The following PCDH9 variants were observed in gnomAD, a reference collection of about 807,000 sequenced individuals.
The protein encoded by PCDH9 is protocadherin-9.
In PCDH9, 24 loss-of-function variants were observed where a neutral mutation model predicts 70.6. That is an observed-to-expected ratio of 0.34 (90% CI 0.25 to 0.48). PCDH9 has a LOEUF of 0.48. Among genes scored for constraint, PCDH9 ranks in the 20% least tolerant of loss-of-function variants. PCDH9 has a pLI of 0.99. For missense variants in PCDH9, 1,281 were observed against 1,503.6 expected, an observed-to-expected ratio of 0.85 and a Z score of 2.45; for synonymous variants, 562 against 558.5, an observed-to-expected ratio of 1.01 and a Z score of -0.09.
chr13:66,631,060 T>C (rs985351512), intron 4 of PCDH9, 150 bp downstream of exon 4: 3 of 572,960 alleles, frequency 5.2e-6, no homozygotes, highest in Non-Finnish European at 9.4e-6. Context: ...ACATATTAAA[T>C]GTATATCTCA....
chr13:66,342,920 A>G (rs1216374299), intron 4 of PCDH9, among the ~76,000 whole-genome samples: 1 of 152,000 alleles, frequency 6.6e-6, no homozygotes, highest in Non-Finnish European at 1.5e-5. Flanking sequence ...TTCTAGGATT[A>G]CAGGCGTAAG....
rs2087446728 is a variant in PCDH9 at position 67,143,466 on chromosome 13, T to A, written c.3036+81939A>T. On this transcript the variant is annotated intron_variant, in intron 2 of 4. Transcript: ENST00000377865. ...AAATGCAGATGAGCATAAGATCACA[T>A]GGATCAAGTACCAGGTCATTCATTT... Among the ~76,000 whole-genome samples the A allele has an allele frequency of 2.6e-5, 4 of 152,308 alleles. 1 individual carries two copies. In the South Asian group the frequency reaches 8.3e-4, roughly 32 times the overall value.
chr13:66,778,350 C>A lies in PCDH9; in HGVS notation c.3138+125154G>T, dbSNP rs139986379. 3.8e-4 allele frequency among the ~76,000 whole-genome samples: 58 copies of A among 152,260 alleles called. 1 individual carries two copies. In the East Asian group the frequency reaches 4.1e-3, roughly 11 times the overall value. ...TGAAATATTCCTCTCTTCCCAATATCATCTACAGTAACACTTACAAAAATA... is the reference window on the plus strand; with the variant it reads ...TGAAATATTCCTCTCTTCCCAATATAATCTACAGTAACACTTACAAAAATA... On this transcript the variant is annotated intron_variant, in intron 3 of 4. Transcript: ENST00000377865.
At chr13:66,816,630 C>A (rs2139371657) in intron 3 of PCDH9, among the ~76,000 whole-genome samples, 1 of 152,154 alleles carries the variant, frequency 6.6e-6, no homozygotes, top group East Asian at 1.9e-4. Flanking sequence ...TGTAATATCA[C>A]AAATATTTTG....
intron 4 of PCDH9, among the ~76,000 whole-genome samples, chr13:66,521,017 G>C (rs1959965376): frequency 6.6e-6 from 1 of 152,060 alleles, no homozygotes; most frequent in Non-Finnish European, 1.5e-5. Flanking sequence ...CTGAATGAAA[G>C]ACTAAATATC....
rs114554259 is a variant in PCDH9 at position 67,133,496 on chromosome 13, A to G, written c.3036+91909T>C. ...CTTAAAAAGTTGGATTACATAATATAGGATGCTTTACTGTCTGTAATTCTA... is the reference window on the plus strand; with the variant it reads ...CTTAAAAAGTTGGATTACATAATATGGGATGCTTTACTGTCTGTAATTCTA... On this transcript the variant is annotated intron_variant, in intron 2 of 4. Transcript: ENST00000377865. Among the ~76,000 whole-genome samples, 1,026 of 152,244 alleles carry G rather than the reference A, an allele frequency of 6.7e-3. 7 individuals carry two copies. The highest frequency in any genetic ancestry group is 0.023 in the African/African-American group (950 of 41,578).
chr13:66,433,384 T>C (rs1957809178), intron 4 of PCDH9, among the ~76,000 whole-genome samples: 2 of 151,980 alleles, frequency 1.3e-5, no homozygotes, highest in Admixed American at 1.3e-4. Context: ...AAAAGTGCTC[T>C]CAAAAAATTT....
chr13:66,468,879 G>A (rs866685399), intron 4 of PCDH9, among the ~76,000 whole-genome samples: 8 of 152,052 alleles, frequency 5.3e-5, no homozygotes, highest in Admixed American at 2.6e-4. Context: ...TTACAGTCAT[G>A]TCCACAAAGA....
At chr13:66,506,204 A>G (rs751872809) in intron 4 of PCDH9, among the ~76,000 whole-genome samples, 4 of 152,194 alleles carry the variant, frequency 2.6e-5, no homozygotes, top group Non-Finnish European at 4.4e-5. Context: ...AATAATGCCT[A>G]GAAGTAGGTT....
intron 2 of PCDH9, among the ~76,000 whole-genome samples, chr13:67,081,359 A>G (rs2085979489): frequency 6.6e-6 from 1 of 152,196 alleles, no homozygotes; most frequent in Admixed American, 6.5e-5. Context: ...ACCTGAGGTC[A>G]AGAGCTCGAG....
chr13:66,559,833 TAC>T lies in PCDH9; in HGVS notation c.3340+71375_3340+71376del, dbSNP rs56660850. 8.5e-4 allele frequency among the ~76,000 whole-genome samples: 74 copies of T among 87,106 alleles called. 1 individual carries two copies. Among genetic ancestry groups the T allele is most frequent in the South Asian group, 2.5e-3 (5 of 2,010 alleles). 57.1% of individuals were successfully genotyped at this position (87,106 alleles called of 152,430 possible). ...AAAAAAAAAAATATATATATATATA[TAC>T]ACACACACACACACACACACACACA... On this transcript the variant is annotated intron_variant, in intron 4 of 4. Transcript: ENST00000377865.
At chr13:66,997,844 T>C (rs1297588618) in intron 2 of PCDH9, among the ~76,000 whole-genome samples, 4 of 152,144 alleles carry the variant, frequency 2.6e-5, no homozygotes, top group African/African-American at 9.7e-5. Context: ...GGAGGTCATA[T>C]TTCAACATGA....
chr13:66,611,338 C>T (rs891149032), intron 4 of PCDH9, among the ~76,000 whole-genome samples: 2 of 152,018 alleles, frequency 1.3e-5, no homozygotes, highest in Non-Finnish European at 2.9e-5. Context: ...AAGTTTCTGG[C>T]TAATTAGAAG....
intron 3 of PCDH9, among the ~76,000 whole-genome samples, chr13:66,894,885 G>A (rs1038296260): frequency 6.6e-6 from 1 of 151,662 alleles, no homozygotes; most frequent in Middle Eastern, 3.4e-3. Flanking sequence ...TCAGCTTACT[G>A]CAACCTCCGA....
At position 66,636,516 on chromosome 13, in the gene PCDH9, T is replaced by C. The variant is rs185099506; in HGVS notation, c.3139-5105A>G. Among the ~76,000 whole-genome samples the C allele has an allele frequency of 6.1e-3, 925 of 152,218 alleles. 6 individuals are homozygous for C. The highest frequency in any genetic ancestry group is 0.012 in the South Asian group (59 of 4,832). On this transcript the variant is annotated intron_variant, in intron 3 of 4. Transcript: ENST00000377865. The stretch of plus-strand genomic sequence containing the variant: ...CAACTAAATAAACCAATTATCTAAT[T>C]AATGACAGACATTTAAAATAATTAT...
chr13:66,422,463 C>A (rs1323543414), intron 4 of PCDH9, among the ~76,000 whole-genome samples: 2 of 152,156 alleles, frequency 1.3e-5, no homozygotes, highest in Admixed American at 1.3e-4. Flanking sequence ...GTCTCTCAGA[C>A]CACAGTGCAA....
chr13:66,365,660 G>A (rs1440432164), intron 4 of PCDH9, among the ~76,000 whole-genome samples: 1 of 152,144 alleles, frequency 6.6e-6, no homozygotes, highest in Non-Finnish European at 1.5e-5. Context: ...AAGTTATCAA[G>A]AGGTATTTTT....
At chr13:67,182,737 C>T (rs2987323) in intron 2 of PCDH9, among the ~76,000 whole-genome samples, 107,745 of 151,900 alleles carry the variant, frequency 0.71, 38,546 homozygotes, top group East Asian at 0.85. Flanking sequence ...AGTAGAATAG[C>T]GTTTACTAAT....
chr13:67,195,491 A>T (rs1245048582), intron 2 of PCDH9, among the ~76,000 whole-genome samples: 1 of 152,156 alleles, frequency 6.6e-6, no homozygotes, highest in Non-Finnish European at 1.5e-5. Flanking sequence ...AATAGGTACC[A>T]AAGGATGGAA....
Sources: allele counts gnomAD v4.1 joint callset (sites outside exome capture counted in the v4.1 genomes callset), GRCh38; gene constraint gnomAD v4.1.1; transcripts MANE v1.5; gene names NCBI Gene and HGNC (gene_info 2026-07-23, HGNC 2026-07-21).